DOCK2: variants seen among roughly 807,000 people sequenced by gnomAD.
The protein encoded by DOCK2 is dedicator of cytokinesis protein 2.
DOCK2 carries 87 observed loss-of-function variants against 248.9 expected under a neutral mutation model. The observed-to-expected ratio is 0.35, with a 90% CI of 0.29 to 0.42. The LOEUF (loss-of-function observed/expected upper bound fraction) is 0.42, where lower values mean the gene tolerates loss of function less well. Among genes scored for constraint, DOCK2 ranks in the 10% least tolerant of loss-of-function variants. DOCK2 has a pLI of 1.00. For missense variants in DOCK2, 1,747 were observed against 2,300.2 expected (o/e 0.76, Z 4.92); for synonymous variants, 805 against 821.6 (o/e 0.98, Z 0.35).
intron 27 of DOCK2, among the ~76,000 whole-genome samples, chr5:169,872,666 T>C (rs1772057982): frequency 6.6e-6 from 1 of 152,194 alleles, no homozygotes; most frequent in Admixed American, 6.6e-5. Flanking sequence ...AAGATCTGCA[T>C]GTGAAACCCT....
At chr5:169,704,894 G>C (rs264840) in intron 14 of DOCK2, among the ~76,000 whole-genome samples, 3,338 of 152,048 alleles carry the variant, frequency 0.022, 123 homozygotes, top group African/African-American at 0.076. Context: ...GGGCACAGCG[G>C]CTCACACCTG....
Position 169,702,434 on chromosome 5 carries a change from G to A in DOCK2, c.1383+7G>A. The A allele has an allele frequency of 1.2e-6, 2 of 1,613,494 alleles. No individual in the cohort carries two copies. The highest frequency in any genetic ancestry group is 1.7e-6 in the Non-Finnish European group (2 of 1,179,648). On this transcript the variant is annotated splice_region_variant and intron_variant, in intron 14 of 51. Coordinates refer to ENST00000520908, the MANE Select transcript of DOCK2 (RefSeq NM_004946.3). ...GGATGGCAAAACGCTGCCTGTAAGG[G>A]ACTCACTGCTGCTCTGGGTGACAGG...
At chr5:169,892,366 G>C (rs1228186050) in intron 27 of DOCK2, among the ~76,000 whole-genome samples, 3 of 152,248 alleles carry the variant, frequency 2.0e-5, no homozygotes, top group African/African-American at 4.8e-5. Flanking sequence ...CTAGCATGGA[G>C]CAGGAGCTAG....
chr5:169,642,580 A>T (rs1329860941), intron 1 of DOCK2, among the ~76,000 whole-genome samples: 1 of 152,198 alleles, frequency 6.6e-6, no homozygotes, highest in East Asian at 1.9e-4. Flanking sequence ...GGTCCCCAGA[A>T]ATTAGTCTGG....
At chr5:169,645,699 A>G (rs1183790914) in intron 1 of DOCK2, among the ~76,000 whole-genome samples, 2 of 152,060 alleles carry the variant, frequency 1.3e-5, no homozygotes, top group African/African-American at 4.8e-5. Context: ...TTGCCCATGC[A>G]TATGTCCTGA....
intron 32 of DOCK2, among the ~76,000 whole-genome samples, chr5:170,010,569 A>G (rs991751803): frequency 7.2e-5 from 11 of 152,248 alleles, no homozygotes; most frequent in Non-Finnish European, 1.2e-4. Context: ...ACTGAAATGC[A>G]ATCCCAACGT....
chr5:170,026,438 G>A (rs1403083521), intron 33 of DOCK2, among the ~76,000 whole-genome samples: 3 of 152,156 alleles, frequency 2.0e-5, no homozygotes, highest in Admixed American at 2.0e-4. Flanking sequence ...ACTTCATGAA[G>A]TATTATGAAG....
intron 27 of DOCK2, chr5:169,882,994 A>T (rs1175807365): frequency 4.5e-6 from 7 of 1,551,518 alleles, no homozygotes; most frequent in Non-Finnish European, 6.1e-6. Context: ...AGATGAAGGA[A>T]CACACGTTTC....
chr5:170,082,913 G>A lies in DOCK2; in HGVS notation c.*55G>A. 6.2e-7 allele frequency: 1 copy of A among 1,610,292 alleles called. No individual in the cohort carries two copies. The highest frequency in any genetic ancestry group is 1.1e-5 in the South Asian group (1 of 90,978). On this transcript the variant is annotated 3_prime_UTR_variant, in exon 52 of 52. Transcript: ENST00000520908. The stretch of plus-strand genomic sequence containing the variant: ...GCCAGGGAGGGGAGTTTCTGGAAGA[G>A]GAAAGCCATGCGTGGAACATCGAAG...
chr5:169,671,481 C>G (rs1759048587), intron 5 of DOCK2, among the ~76,000 whole-genome samples: 1 of 152,194 alleles, frequency 6.6e-6, no homozygotes, highest in Non-Finnish European at 1.5e-5. Flanking sequence ...AGCTTCCTCC[C>G]AAGGGGTTTA....
chr5:169,687,136 G>C (rs77610175), intron 8 of DOCK2, among the ~76,000 whole-genome samples: 7,361 of 152,048 alleles, frequency 0.048, 314 homozygotes, highest in South Asian at 0.21. Context: ...GTCACTGAGG[G>C]GCTTGCTACA....
At chr5:169,691,895 C>T (rs1318422158) in intron 9 of DOCK2, among the ~76,000 whole-genome samples, 1 of 150,602 alleles carries the variant, frequency 6.6e-6, no homozygotes, top group Non-Finnish European at 1.5e-5. Context: ...CTTGCTCTGT[C>T]GCCAGGCTGG....
intron 22 of DOCK2, among the ~76,000 whole-genome samples, chr5:169,740,071 C>T (rs901814433): frequency 1.3e-5 from 2 of 152,194 alleles, no homozygotes; most frequent in Admixed American, 6.5e-5. Context: ...TTAGTTTTCT[C>T]GCCAAATTAC....
intron 26 of DOCK2, among the ~76,000 whole-genome samples, chr5:169,811,978 G>A (rs1767786234): frequency 1.3e-5 from 2 of 152,162 alleles, no homozygotes; most frequent in African/African-American, 4.8e-5. Flanking sequence ...TCTGTATGCT[G>A]GGGCTACGGC....
At chr5:169,940,640 C>T (rs569372976) in intron 27 of DOCK2, among the ~76,000 whole-genome samples, 27 of 152,286 alleles carry the variant, frequency 1.8e-4, no homozygotes, top group African/African-American at 6.3e-4. Context: ...ATAAGGAGCA[C>T]GCAACTTAGA....
intron 32 of DOCK2, among the ~76,000 whole-genome samples, chr5:170,011,289 T>C (rs1156738811): frequency 6.6e-6 from 1 of 152,164 alleles, no homozygotes; most frequent in Non-Finnish European, 1.5e-5. Flanking sequence ...CAATTCACTA[T>C]TTTACTAATG....
chr5:169,961,699 C>A (rs775848876), intron 27 of DOCK2, among the ~76,000 whole-genome samples: 3 of 151,956 alleles, frequency 2.0e-5, no homozygotes, highest in African/African-American at 7.2e-5. Context: ...GAAGCCAGGC[C>A]GGGTGCAGTG....
At chr5:169,670,642 G>A in intron 4 of DOCK2, 45 bp downstream of exon 4, 3 of 1,604,280 alleles carry the variant, frequency 1.9e-6, no homozygotes, top group Non-Finnish European at 2.6e-6. Context: ...GTGGCTCATG[G>A]ATGTCTCTGT....
At position 169,783,920 on chromosome 5, in the gene DOCK2, G is replaced by A. The variant is rs145433868; in HGVS notation, c.2555-19138G>A. Among the ~76,000 whole-genome samples, 6 of 152,254 alleles carry A rather than the reference G, an allele frequency of 3.9e-5. No individual in the cohort carries two copies. The East Asian group carries it at 1.2e-3, about 29-fold the overall frequency. On this transcript the variant is annotated intron_variant, in intron 25 of 51. Coordinates refer to ENST00000520908, the MANE Select transcript of DOCK2 (RefSeq NM_004946.3). ...ACAATCTACTGTCTCCTAGGAAGGC[G>A]GAGATAAACCTGATAGTTTGAAATT...
Sources: gnomAD v4.1 joint callset for allele counts (sites outside exome capture counted in the v4.1 genomes callset) on GRCh38, gnomAD v4.1.1 for gene constraint, MANE v1.5 for transcripts, NCBI Gene and HGNC (gene_info 2026-07-23, HGNC 2026-07-21) for gene names.